The following VPS13B variants were observed in gnomAD, a reference collection of about 807,000 sequenced individuals.
VPS13B encodes the protein vacuolar protein sorting 13 homolog B, also known as intermembrane lipid transfer protein VPS13B.
In VPS13B, 285 loss-of-function variants were observed where a neutral mutation model predicts 426.4. The observed-to-expected ratio is 0.67, with a 90% CI of 0.61 to 0.74. VPS13B has a LOEUF of 0.74. Ranked by LOEUF, VPS13B falls within the 30% of genes least tolerant of loss-of-function variation. The pLI, the probability that VPS13B is intolerant of heterozygous loss-of-function variation, is 0.00. For synonymous variants in VPS13B, 1,676 were observed against 1,676.4 expected, an observed-to-expected ratio of 1.00 and a Z score of 0.01; for missense variants, 4,537 against 4,782.6, an observed-to-expected ratio of 0.95 and a Z score of 1.51.
chr8:99,727,996 G>A (rs1833420621), intron 39 of VPS13B, among the ~76,000 whole-genome samples: 1 of 152,138 alleles, frequency 6.6e-6, no homozygotes, highest in Non-Finnish European at 1.5e-5. Context: ...CCTTCTAATA[G>A]TTTGGCTCCC....
At chr8:99,748,489 A>G (rs1810208736) in intron 39 of VPS13B, among the ~76,000 whole-genome samples, 1 of 152,096 alleles carries the variant, frequency 6.6e-6, no homozygotes, top group African/African-American at 2.4e-5. Context: ...AAATAGACAT[A>G]TTTTTGAAAA....
At chr8:99,755,575 G>C (rs1342578139) in intron 39 of VPS13B, among the ~76,000 whole-genome samples, 2 of 152,118 alleles carry the variant, frequency 1.3e-5, no homozygotes, top group East Asian at 3.9e-4. Flanking sequence ...TTCAACACCA[G>C]CCTGGCCAAC....
At chr8:99,729,795 T>C (rs1239691776) in intron 39 of VPS13B, among the ~76,000 whole-genome samples, 1 of 152,208 alleles carries the variant, frequency 6.6e-6, no homozygotes, top group Non-Finnish European at 1.5e-5. Flanking sequence ...GTGTGGGGTT[T>C]TTGTCTTTTT....
chr8:99,764,465 G>A (rs1262531665), intron 39 of VPS13B, among the ~76,000 whole-genome samples: 1 of 144,902 alleles, frequency 6.9e-6, no homozygotes, highest in Non-Finnish European at 1.5e-5. Flanking sequence ...CCAGGCTGGA[G>A]TGCAGTGGCG....
At chr8:99,190,163 C>G (rs954966297) in intron 16 of VPS13B, among the ~76,000 whole-genome samples, 1 of 152,096 alleles carries the variant, frequency 6.6e-6, no homozygotes, top group Non-Finnish European at 1.5e-5. Flanking sequence ...AAAAAAATCT[C>G]TCTATATCCA....
chr8:99,540,010 AAAT>A (rs1372600818), intron 30 of VPS13B, among the ~76,000 whole-genome samples: 1 of 82,382 alleles, frequency 1.2e-5, no homozygotes, highest in Non-Finnish European at 2.3e-5. Flanking sequence ...ATATATAAAT[AAAT>A]TATATATATA....
At chr8:99,472,396 A>C (rs1819460642) in intron 24 of VPS13B, among the ~76,000 whole-genome samples, 1 of 152,000 alleles carries the variant, frequency 6.6e-6, no homozygotes, top group Non-Finnish European at 1.5e-5. Flanking sequence ...AGAAATTAAT[A>C]ATAATAAAAT....
chr8:99,869,894 T>C (rs1275774086), intron 59 of VPS13B, among the ~76,000 whole-genome samples: 1 of 152,282 alleles, frequency 6.6e-6, no homozygotes, highest in Non-Finnish European at 1.5e-5. Flanking sequence ...ACACATGCTG[T>C]ACCATCTTTG....
Position 99,854,551 on chromosome 8 carries a change from C to G in VPS13B, c.10867+295C>G, listed in dbSNP as rs529134227. On this transcript the variant is annotated intron_variant, in intron 56 of 61. Coordinates refer to ENST00000357162, the MANE Select transcript of VPS13B (RefSeq NM_152564.5). The stretch of plus-strand genomic sequence containing the variant: ...GAGGTACCCAGCATTTTGCTTGCCA[C>G]TCAATAAACATTCAAGCAGTAGTAG... 1.3e-3 allele frequency among the ~76,000 whole-genome samples: 205 copies of G among 152,274 alleles called. 1 individual carries two copies. The highest frequency in any genetic ancestry group is 4.8e-3 in the African/African-American group (201 of 41,542).
At chr8:99,835,080 A>G (rs1815311177) in intron 52 of VPS13B, 117 bp from the exon 53 acceptor site, 2 of 1,301,056 alleles carry the variant, frequency 1.5e-6, no homozygotes, top group Admixed American at 1.7e-5. Flanking sequence ...CCCCTGAGTT[A>G]TAAAACAGAT....
intron 30 of VPS13B, among the ~76,000 whole-genome samples, chr8:99,548,420 T>A (rs1824102506): frequency 6.6e-6 from 1 of 151,886 alleles, no homozygotes; most frequent in African/African-American, 2.4e-5. Flanking sequence ...CCAAAAACTT[T>A]AAAAAAACTC....
At chr8:99,575,316 C>T (rs1183604804) in intron 31 of VPS13B, among the ~76,000 whole-genome samples, 1 of 151,696 alleles carries the variant, frequency 6.6e-6, no homozygotes, top group Non-Finnish European at 1.5e-5. Flanking sequence ...AAAATTATTC[C>T]AAAAAATAGT....
chr8:99,154,630 G>T (rs1310216062), intron 14 of VPS13B, among the ~76,000 whole-genome samples: 1 of 152,150 alleles, frequency 6.6e-6, no homozygotes. Flanking sequence ...CTATTTGCAT[G>T]GTGCTGTGTA....
intron 34 of VPS13B, among the ~76,000 whole-genome samples, chr8:99,650,685 G>T (rs1329098833): frequency 2.0e-5 from 3 of 152,130 alleles, no homozygotes; most frequent in East Asian, 3.8e-4. Context: ...ACAATATACT[G>T]TAATAAAAGT....
intron 61 of VPS13B, among the ~76,000 whole-genome samples, chr8:99,874,463 A>ACTT (rs1817591617): frequency 6.6e-6 from 1 of 152,136 alleles, no homozygotes; most frequent in Non-Finnish European, 1.5e-5. Context: ...CTTTTAAGAC[A>ACTT]CTTTGATAGC....
At chr8:99,286,369 G>A (rs1338880353) in intron 19 of VPS13B, among the ~76,000 whole-genome samples, 1 of 152,082 alleles carries the variant, frequency 6.6e-6, no homozygotes, top group Non-Finnish European at 1.5e-5. Flanking sequence ...AATAAGACAA[G>A]TGCTAAAGAT....
intron 33 of VPS13B, among the ~76,000 whole-genome samples, chr8:99,602,245 T>G (rs749348265): frequency 3.3e-5 from 5 of 152,236 alleles, no homozygotes; most frequent in Non-Finnish European, 5.9e-5. Context: ...CACCATTTAT[T>G]AAATAGGGAA....
intron 34 of VPS13B, among the ~76,000 whole-genome samples, chr8:99,645,842 A>T (rs1260376232): frequency 6.6e-6 from 1 of 152,232 alleles, no homozygotes; most frequent in Non-Finnish European, 1.5e-5. Context: ...CCCATTACCA[A>T]TTTGGCTATC....
At chr8:99,067,440 CAAT>C (rs1222621012) in intron 3 of VPS13B, among the ~76,000 whole-genome samples, 1 of 152,056 alleles carries the variant, frequency 6.6e-6, no homozygotes, top group African/African-American at 2.4e-5. Flanking sequence ...GGGAACTGAA[CAAT>C]GAGAACACTT....
Sources: allele counts gnomAD v4.1 joint callset (sites outside exome capture counted in the v4.1 genomes callset), GRCh38; gene constraint gnomAD v4.1.1; transcripts MANE v1.5; gene names NCBI Gene and HGNC (gene_info 2026-07-23, HGNC 2026-07-21).